The following PCDH15 variants were observed in gnomAD, a reference collection of about 807,000 sequenced individuals.
PCDH15 encodes the protein protocadherin related 15.
In PCDH15, 129 loss-of-function variants were observed where a neutral mutation model predicts 178.5. That is an observed-to-expected ratio of 0.72 (90% CI 0.63 to 0.84). The LOEUF (loss-of-function observed/expected upper bound fraction) is 0.84. PCDH15 is among the 40% of genes least tolerant of loss of function. PCDH15 has a pLI of 0.00. For missense variants in PCDH15, 2,230 were observed against 2,099.9 expected, an observed-to-expected ratio of 1.06 and a Z score of -1.21; for synonymous variants, 800 against 732.0, an observed-to-expected ratio of 1.09 and a Z score of -1.50.
chr10:54,639,585 A>G (rs1463963774), intron 2 of PCDH15, among the ~76,000 whole-genome samples: 2 of 152,234 alleles, frequency 1.3e-5, no homozygotes, highest in Non-Finnish European at 2.9e-5. Context: ...ATAAGGCAAT[A>G]GAACAGTTAC....
chr10:54,091,903 C>T (rs906881978), intron 15 of PCDH15, among the ~76,000 whole-genome samples: 1 of 152,134 alleles, frequency 6.6e-6, no homozygotes, highest in African/African-American at 2.4e-5. Flanking sequence ...TACTGTCTAT[C>T]TGCTGAAGAC....
intron 8 of PCDH15, among the ~76,000 whole-genome samples, chr10:54,291,999 C>G (rs1336964434): frequency 1.3e-5 from 2 of 152,150 alleles, no homozygotes; most frequent in Non-Finnish European, 2.9e-5. Flanking sequence ...GATACCAAAG[C>G]CTGGCAGAGA....
intron 8 of PCDH15, among the ~76,000 whole-genome samples, chr10:54,300,601 C>G (rs947140367): frequency 6.6e-6 from 1 of 152,092 alleles, no homozygotes; most frequent in Non-Finnish European, 1.5e-5. Context: ...GTTGGGGTGT[C>G]CTGTTTAGAG....
intron 1 of PCDH15, among the ~76,000 whole-genome samples, chr10:55,294,146 G>C (rs552613814): frequency 8.6e-5 from 13 of 152,020 alleles, no homozygotes; most frequent in Non-Finnish European, 1.6e-4. Context: ...GCTTGTGCTG[G>C]GAAACTCCCC....
intron 2 of PCDH15, among the ~76,000 whole-genome samples, chr10:54,918,391 C>T (rs910078795): frequency 7.9e-5 from 12 of 152,040 alleles, no homozygotes; most frequent in East Asian, 1.9e-4. Flanking sequence ...CACCTTATAA[C>T]GGAGAGTAAT....
chr10:54,394,737 G>T (rs1354173388), intron 3 of PCDH15, among the ~76,000 whole-genome samples: 1 of 152,128 alleles, frequency 6.6e-6, no homozygotes, highest in Non-Finnish European at 1.5e-5. Context: ...GCCTGGGAGC[G>T]CTATGGAAGA....
At chr10:55,269,765 A>G (rs1040802192) in intron 1 of PCDH15, among the ~76,000 whole-genome samples, 2 of 152,126 alleles carry the variant, frequency 1.3e-5, no homozygotes, top group Non-Finnish European at 2.9e-5. Flanking sequence ...CATTTTTCAC[A>G]GTTAGAAAAA....
At chr10:55,301,094 A>C (rs1473640671) in intron 1 of PCDH15, among the ~76,000 whole-genome samples, 2 of 152,290 alleles carry the variant, frequency 1.3e-5, no homozygotes, top group African/African-American at 4.8e-5. Context: ...GCATTAACAT[A>C]AATTTTTATT....
intron 2 of PCDH15, among the ~76,000 whole-genome samples, chr10:54,638,863 T>C (rs1304453068): frequency 2.0e-5 from 3 of 151,652 alleles, no homozygotes; most frequent in Admixed American, 2.0e-4. Context: ...CTATAAAAAA[T>C]AACGAAATTA....
chr10:53,868,328 T>A (rs2079596185), intron 26 of PCDH15, among the ~76,000 whole-genome samples: 1 of 152,024 alleles, frequency 6.6e-6, no homozygotes, highest in African/African-American at 2.4e-5. Context: ...CTAAGAATCA[T>A]ACAAAATACA....
At chr10:54,922,808 G>A (rs771895988) in intron 2 of PCDH15, among the ~76,000 whole-genome samples, 12 of 152,108 alleles carry the variant, frequency 7.9e-5, no homozygotes, top group Non-Finnish European at 1.8e-4. Flanking sequence ...TTGCTTTCAT[G>A]GGATTAAGTG....
intron 14 of PCDH15, among the ~76,000 whole-genome samples, chr10:54,139,558 A>T (rs979100585): frequency 6.6e-6 from 1 of 152,182 alleles, no homozygotes; most frequent in African/African-American, 2.4e-5. Context: ...AATGGTTCTC[A>T]TCTGTAAAAT....
chr10:54,126,884 T>A (rs1183178232), intron 15 of PCDH15, among the ~76,000 whole-genome samples: 1 of 152,150 alleles, frequency 6.6e-6, no homozygotes, highest in Non-Finnish European at 1.5e-5. Context: ...ATATGTTTCT[T>A]ACAAACCTTT....
At chr10:53,869,152 C>A (rs1349595573) in intron 26 of PCDH15, among the ~76,000 whole-genome samples, 2 of 152,140 alleles carry the variant, frequency 1.3e-5, no homozygotes, top group African/African-American at 4.8e-5. Context: ...ACCGGCTAAT[C>A]ACTTTAGATA....
chr10:55,520,141 T>C (rs1012749959), intron 2 of PCDH15, among the ~76,000 whole-genome samples: 15 of 118,964 alleles, frequency 1.3e-4, no homozygotes, highest in African/African-American at 4.8e-4. Context: ...GCAATGTGTA[T>C]ATATATATAC....
intron 2 of PCDH15, among the ~76,000 whole-genome samples, chr10:55,612,862 T>A (rs1035410886): frequency 2.0e-5 from 3 of 152,110 alleles, no homozygotes; most frequent in African/African-American, 7.2e-5. Context: ...TCCCACATCA[T>A]TTCATAAACT....
At chr10:54,459,172 C>T (rs6481099) in intron 3 of PCDH15, among the ~76,000 whole-genome samples, 25,633 of 151,962 alleles carry the variant, frequency 0.17, 2,341 homozygotes, top group East Asian at 0.29. Context: ...CTTGATAGAA[C>T]AGTGTCATGT....
chr10:54,656,844 G>A (rs188422312), intron 2 of PCDH15, among the ~76,000 whole-genome samples: 1 of 152,272 alleles, frequency 6.6e-6, no homozygotes, highest in Admixed American at 6.5e-5. Flanking sequence ...GAATGGATAT[G>A]GAGAGGTAGT....
chr10:54,413,630 A>T (rs528547253), intron 3 of PCDH15, among the ~76,000 whole-genome samples: 3 of 152,274 alleles, frequency 2.0e-5, no homozygotes, highest in South Asian at 2.1e-4. Context: ...CCTTTTTGGG[A>T]ATCAATGTAA....
Sources: allele counts gnomAD v4.1 joint callset (sites outside exome capture counted in the v4.1 genomes callset), GRCh38; gene constraint gnomAD v4.1.1; transcripts MANE v1.5; gene names NCBI Gene and HGNC (gene_info 2026-07-23, HGNC 2026-07-21).